Variants in TENM1 observed in about 807,000 individuals in gnomAD.
TENM1 encodes the protein teneurin transmembrane protein 1, also known as teneurin-1.
A neutral mutation model predicts 174.8 loss-of-function variants in TENM1; 35 were observed. The observed-to-expected ratio is 0.20, with a 90% CI of 0.15 to 0.27. The LOEUF (loss-of-function observed/expected upper bound fraction) is 0.27. TENM1 is among the 10% of genes least tolerant of loss of function. TENM1 has a pLI of 1.00. For missense variants in TENM1, 1,633 were observed against 2,130.1 expected (o/e 0.77, Z 4.59); for synonymous variants, 781 against 798.7 (o/e 0.98, Z 0.37).
In TENM1 at chrX:124,497,276, G is replaced by T; in HGVS notation, c.3446-11C>A. ...CTTTATGTATGATTCCTAGATTCAA[G>T]GAAAACAAAAAGAGAATTTAAGAAA... On this transcript the variant is annotated splice_polypyrimidine_tract_variant and intron_variant, in intron 19 of 31. Coordinates refer to ENST00000422452, the Ensembl canonical transcript of TENM1. The T allele has an allele frequency of 8.4e-7, 1 of 1,186,905 alleles. No homozygotes were observed. Among genetic ancestry groups the T allele is most frequent in the Non-Finnish European group, 1.1e-6 (1 of 880,681 alleles).
intron 11 of TENM1, among the ~76,000 whole-genome samples, chrX:124,581,160 G>A (rs775380948): frequency 9.7e-6 from 1 of 103,033 alleles, no homozygotes; most frequent in South Asian, 4.5e-4. Context: ...CACCTCCCGA[G>A]TTCCAGGGAT....
chrX:124,664,087 A>C, intron 6 of TENM1, among the ~76,000 whole-genome samples: 1 of 112,016 alleles, frequency 8.9e-6, no homozygotes, highest in Admixed American at 9.5e-5. Context: ...TCAATCTTTA[A>C]AAATAATACT....
At chrX:124,859,407 G>A (rs1323849972) in intron 3 of TENM1, among the ~76,000 whole-genome samples, 3 of 108,892 alleles carry the variant, frequency 2.8e-5, no homozygotes, top group South Asian at 8.2e-4. Flanking sequence ...AGCCAGGCAC[G>A]GTGGCAGGCG....
At chrX:125,025,559 T>C in the TENM1 span, among the ~76,000 whole-genome samples, 11,917 of 111,045 alleles carry the variant, frequency 0.11, 1,310 homozygotes, top group African/African-American at 0.33. Context: ...GCATGCGGTG[T>C]TACCCACGTC....
At chrX:124,656,985 T>C (rs1378037703) in intron 6 of TENM1, among the ~76,000 whole-genome samples, 2 of 110,791 alleles carry the variant, frequency 1.8e-5, no homozygotes, top group African/African-American at 3.3e-5. Flanking sequence ...CAAAAATTTC[T>C]GTATTAATAT....
chrX:124,688,235 CTTCCCTTCCT>C (rs767979901), intron 5 of TENM1, among the ~76,000 whole-genome samples: 39 of 105,405 alleles, frequency 3.7e-4, no homozygotes, highest in East Asian at 3.0e-3. Flanking sequence ...TCTTTTCTCC[CTTCCCTTCCT>C]TTCCCTTCCT....
intron 18 of TENM1, among the ~76,000 whole-genome samples, chrX:124,504,746 T>C (rs1358082347): frequency 9.0e-6 from 1 of 111,622 alleles, no homozygotes; most frequent in South Asian, 3.8e-4. Context: ...TCCTTTGTCA[T>C]TTGGTTATGA....
At chrX:124,684,147 G>A (rs899830785) in intron 5 of TENM1, among the ~76,000 whole-genome samples, 2 of 111,779 alleles carry the variant, frequency 1.8e-5, no homozygotes, top group African/African-American at 6.5e-5. Context: ...CAACCATAGT[G>A]GTAATTTTAA....
At chrX:124,755,326 T>C (rs928034898) in intron 3 of TENM1, among the ~76,000 whole-genome samples, 2 of 111,078 alleles carry the variant, frequency 1.8e-5, no homozygotes, top group African/African-American at 6.6e-5. Flanking sequence ...CCTTTTTTTG[T>C]TTTCCATTTG....
chrX:124,389,714 A>C (rs2060262480), intron 28 of TENM1, among the ~76,000 whole-genome samples: 1 of 110,939 alleles, frequency 9.0e-6, no homozygotes, highest in African/African-American at 3.3e-5. Context: ...GCTAGCATTT[A>C]AATTCTCTAC....
At chrX:125,157,751 C>A in the TENM1 span, among the ~76,000 whole-genome samples, 1 of 111,891 alleles carries the variant, frequency 8.9e-6, no homozygotes, top group African/African-American at 3.3e-5. Context: ...TTATTCAGAG[C>A]TTAATTAGAG....
At chrX:124,752,478 C>A (rs1444923930) in intron 3 of TENM1, among the ~76,000 whole-genome samples, 1 of 111,467 alleles carries the variant, frequency 9.0e-6, no homozygotes, top group Non-Finnish European at 1.9e-5. Flanking sequence ...TTTTGCTGTG[C>A]AGAAGCTCTT....
At chrX:124,573,400 A>G (rs2049098788) in intron 11 of TENM1, among the ~76,000 whole-genome samples, 1 of 111,513 alleles carries the variant, frequency 9.0e-6, no homozygotes, top group Admixed American at 9.5e-5. Context: ...AAAAGTATAC[A>G]TAGGGACTTT....
the TENM1 span, among the ~76,000 whole-genome samples, chrX:125,046,511 A>G: frequency 9.2e-4 from 103 of 112,339 alleles, no homozygotes; most frequent in Non-Finnish European, 5.1e-4. Context: ...GCCAAGCACT[A>G]ATGAGACCAA....
At chrX:124,437,906 A>C (rs1174278767) in intron 23 of TENM1, among the ~76,000 whole-genome samples, 1 of 112,217 alleles carries the variant, frequency 8.9e-6, no homozygotes, top group Non-Finnish European at 1.9e-5. Context: ...CAACTTTTGC[A>C]TGAAAAGATG....
chrX:125,060,158 TC>T, the TENM1 span, among the ~76,000 whole-genome samples: 2,292 of 93,449 alleles, frequency 0.025, 79 homozygotes, highest in African/African-American at 0.097. Flanking sequence ...TCTCTCTCTC[TC>T]CTCTCTCTCT....
chrX:124,439,573 G>C (rs1177756911), intron 23 of TENM1, among the ~76,000 whole-genome samples: 2 of 111,450 alleles, frequency 1.8e-5, no homozygotes, highest in African/African-American at 3.3e-5. Context: ...CCAGTCTCTG[G>C]AACATGTTTG....
intron 11 of TENM1, among the ~76,000 whole-genome samples, chrX:124,628,777 T>G (rs1412606673): frequency 1.8e-5 from 2 of 111,858 alleles, no homozygotes; most frequent in Non-Finnish European, 3.8e-5. Flanking sequence ...AAAGATTACA[T>G]TTCTCACTTC....
At chrX:124,957,488 G>T (rs1311851031) in intron 1 of TENM1, among the ~76,000 whole-genome samples, 1 of 106,479 alleles carries the variant, frequency 9.4e-6, no homozygotes, top group Non-Finnish European at 1.9e-5. Flanking sequence ...GGAGACTGAA[G>T]CAGGAGAATC....
Sources: allele counts gnomAD v4.1 joint callset (sites outside exome capture counted in the v4.1 genomes callset), GRCh38; gene constraint gnomAD v4.1.1; transcripts MANE v1.5; gene names NCBI Gene and HGNC (gene_info 2026-07-23, HGNC 2026-07-21).